DMWD: variants seen among roughly 807,000 people sequenced by gnomAD.
DMWD encodes the protein dystrophia myotonica WD repeat-containing protein.
In DMWD, 19 loss-of-function variants were observed where a neutral mutation model predicts 45.8. The ratio of observed to expected loss-of-function variants is 0.41; its 90% CI spans 0.29 to 0.61. The LOEUF (loss-of-function observed/expected upper bound fraction) is 0.61. DMWD is among the 20% of genes least tolerant of loss of function. The pLI, the probability that DMWD is intolerant of heterozygous loss-of-function variation, is 0.25. For missense variants in DMWD, 802 were observed against 965.2 expected (o/e 0.83, Z 2.24); for synonymous variants, 515 against 440.5 (o/e 1.17, Z -2.12).
At position 45,783,241 on chromosome 19, in the gene DMWD, A is replaced by C; in HGVS notation, c.*1002T>G. ...TCGGGGGGTGGAGGGTGGCGCGGGA[A>C]GACACACTCCCTGCGGCTCCGAGAG... On this transcript the variant is annotated 3_prime_UTR_variant, in exon 5 of 5. Transcript: ENST00000270223. 3.1e-5 allele frequency: 7 copies of C among 229,366 alleles called. No individual in the cohort carries two copies. The highest frequency in any genetic ancestry group is 1.7e-4 in the East Asian group (2 of 11,972). The allele number at this position is 229,366 out of a possible 1,614,324, so 14.2% of individuals were successfully genotyped here.
Position 45,783,954 on chromosome 19 carries a change from G to A in DMWD, c.*289C>T. 1 of 586,670 alleles carries A rather than the reference G, an allele frequency of 1.7e-6. No individual in the cohort carries two copies. 36.3% of individuals were successfully genotyped at this position (586,670 alleles called of 1,614,324 possible). A position where few individuals can be genotyped will look rare whatever the true frequency, so the allele number is the denominator to read the frequency against. Reference sequence around the variant, plus strand: ...AGGGGCGGGGAGTCTCTCCCCAGGAGTGACCAGTCACATGCTGGGGACAGG... The same window carrying A: ...AGGGGCGGGGAGTCTCTCCCCAGGAATGACCAGTCACATGCTGGGGACAGG... On this transcript the variant is annotated 3_prime_UTR_variant, in exon 5 of 5. Coordinates refer to ENST00000270223, the MANE Select transcript of DMWD (RefSeq NM_004943.2).
chr19:45,785,318 C>T lies in DMWD; in HGVS notation c.1902+276G>A, dbSNP rs1970255547. 3.3e-6 allele frequency: 4 copies of T among 1,205,668 alleles called. No individual in the cohort carries two copies. The South Asian group carries it at 1.2e-4, about 36-fold the overall frequency. 74.7% of individuals were successfully genotyped at this position (1,205,668 alleles called of 1,614,324 possible). A position where few individuals can be genotyped will look rare whatever the true frequency, so the allele number is the denominator to read the frequency against. ...GCAGTAAGACCTGGCCATGTGGGGC[C>T]CATCTGCTGCCCTTCAGACGGCCAG... On this transcript the variant is annotated intron_variant, in intron 3 of 4. Transcript: ENST00000270223.
At position 45,786,171 on chromosome 19, in the gene DMWD, A is replaced by G; in HGVS notation, c.1325T>C (p.Leu442Pro). Residue 442 changes from leucine (L) to proline (P), a missense_variant, in exon 3 of 5, where the codon CTG (leucine) becomes CCG (proline). Transcript: ENST00000270223. The stretch of plus-strand genomic sequence containing the variant: ...GAGCACGTCTTCAGTGAGGTCCCAC[A>G]GGCAGAACTGCGTGTCCTGGCCCGC... ...GSAGQDTQFC[L>P]WDLTEDVLYP... 6.3e-7 allele frequency: 1 copy of G among 1,596,312 alleles called. No individual in the cohort carries two copies. The highest frequency in any genetic ancestry group is 8.5e-7 in the Non-Finnish European group (1 of 1,172,016).
At chr19:45,791,251 AG>A (rs1399608643) in intron 1 of DMWD, among the ~76,000 whole-genome samples, 164 bp from the exon 2 acceptor site, 1 of 152,082 alleles carries the variant, frequency 6.6e-6, no homozygotes, top group Non-Finnish European at 1.5e-5. Context: ...ACAGACGGGA[AG>A]GGGACCCAAA....
In DMWD at chr19:45,792,319, T is replaced by C. The variant is rs201104514; in HGVS notation, c.438A>G (p.Gln146=). Residue 146 remains glutamine (Q), a synonymous_variant, in exon 1 of 5, where the codon CAA becomes CAG. Coordinates refer to ENST00000270223, the MANE Select transcript of DMWD (RefSeq NM_004943.2). ...FYPGCCRRGS[Q]RSIDLNKPID... ...CCCCACGATGCAGGCCGCTCACCCG[T>C]TGGCTCCCACGACGACAGCAGCCTG... 7.7e-5 allele frequency: 123 copies of C among 1,606,962 alleles called. No homozygotes were observed. In the East Asian group the frequency reaches 2.5e-3, roughly 32 times the overall value.
At position 45,784,725 on chromosome 19, in the gene DMWD, CAG is replaced by C. The variant is rs770135827; in HGVS notation, c.1903-12_1903-11del. Reference sequence around the variant, plus strand: ...TCTCCTCGTCTGTGAACTACGGAGACAGAGGGGTCTCTTTTAGGACTCAACCA... The same window carrying C: ...TCTCCTCGTCTGTGAACTACGGAGACAGGGGTCTCTTTTAGGACTCAACCA... On this transcript the variant is annotated splice_polypyrimidine_tract_variant and intron_variant, in intron 3 of 4. Coordinates refer to ENST00000270223, the MANE Select transcript of DMWD (RefSeq NM_004943.2). 2.5e-6 allele frequency: 4 copies of C among 1,612,948 alleles called. No homozygotes were observed. Among genetic ancestry groups the C allele is most frequent in the Admixed American group, 1.7e-5 (1 of 59,876 alleles).
intron 2 of DMWD, chr19:45,787,161 T>C (rs576673555): frequency 1.9e-4 from 98 of 513,422 alleles, no homozygotes; most frequent in African/African-American, 1.7e-3. Flanking sequence ...TGCCACAGAA[T>C]TGTCCTGTAT....
Position 45,791,025 on chromosome 19 carries a change from G to A in DMWD, c.504C>T (p.His168=), listed in dbSNP as rs913670239. Reference sequence around the variant, plus strand: ...TGGCAGCAGTGAACTGGTTGAAATCGTGGCAGGTGGGCTGGGTGCCCTTGT... The same window carrying A: ...TGGCAGCAGTGAACTGGTTGAAATCATGGCAGGTGGGCTGGGTGCCCTTGT... ...RIYKGTQPTC[H]DFNQFTAATE... is the part of the protein sequence containing the mutation. The change falls in exon 2 of 5, where the codon CAC becomes CAT. Residue 168 remains histidine (H), a synonymous_variant. Coordinates refer to ENST00000270223, the MANE Select transcript of DMWD (RefSeq NM_004943.2). The A allele has an allele frequency of 5.0e-6, 8 of 1,613,790 alleles. No individual in the cohort carries two copies. Among genetic ancestry groups the A allele is most frequent in the African/African-American group, 4.0e-5 (3 of 74,878 alleles).
At chr19:45,791,454 C>T (rs868317826) in intron 1 of DMWD, among the ~76,000 whole-genome samples, 1 of 152,192 alleles carries the variant, frequency 6.6e-6, no homozygotes. Context: ...CCCTTGGGAC[C>T]TAGTACCACA....
At position 45,783,478 on chromosome 19, in the gene DMWD, G is replaced by T. The variant is rs1457101492; in HGVS notation, c.*765C>A. 5.0e-6 allele frequency: 2 copies of T among 398,120 alleles called. No individual in the cohort carries two copies. Among genetic ancestry groups the T allele is most frequent in the Non-Finnish European group, 8.8e-6 (2 of 226,072 alleles). 24.7% of individuals were successfully genotyped at this position (398,120 alleles called of 1,614,324 possible). On this transcript the variant is annotated 3_prime_UTR_variant, in exon 5 of 5. Coordinates refer to ENST00000270223, the MANE Select transcript of DMWD (RefSeq NM_004943.2). Reference sequence around the variant, plus strand: ...AAAAACACCGAGGACTTTGATGAGGGGCCCTGGCTGCGGGCAGGATGCTCT... The same window carrying T: ...AAAAACACCGAGGACTTTGATGAGGTGCCCTGGCTGCGGGCAGGATGCTCT...
Position 45,792,717 on chromosome 19 carries a change from C to T in DMWD, c.40G>A (p.Ala14Thr). 4.1e-6 allele frequency: 5 copies of T among 1,205,408 alleles called. No individual in the cohort carries two copies. Among genetic ancestry groups the T allele is most frequent in the Non-Finnish European group, 5.2e-6 (5 of 956,058 alleles). 74.7% of individuals were successfully genotyped at this position (1,205,408 alleles called of 1,614,324 possible). Reference protein sequence around the residue: ...GGAEGGSGPGAAMGDCAEIKS... With the variant: ...GGAEGGSGPGTAMGDCAEIKS... ...ATCTCCGCGCAGTCCCCCATGGCGG[C>T]GCCGGGGCCCGAGCCGCCCTCCGCG... The change falls in exon 1 of 5, where the codon GCC becomes ACC. Residue 14 changes from alanine to threonine, a missense_variant. Around this residue, in one of 9 missense-constraint regions of DMWD, gnomAD observed 151 missense variants for 128.1 expected, o/e 1.18. Coordinates refer to ENST00000270223, the MANE Select transcript of DMWD (RefSeq NM_004943.2).
Position 45,792,786 on chromosome 19 carries a change from C to T in DMWD, c.-30G>A. 1 of 1,106,464 alleles carries T rather than the reference C, an allele frequency of 9.0e-7. No homozygotes were observed. The highest frequency in any genetic ancestry group is 1.1e-6 in the Non-Finnish European group (1 of 908,358). The allele number at this position is 1,106,464 out of a possible 1,614,324, so 68.5% of individuals were successfully genotyped here. Reference sequence around the variant, plus strand: ...GGCGCCCCCCGGGCCCCGCCACTGCCGGACTGCCGCCCGCAGCCGGGCCCC... The same window carrying T: ...GGCGCCCCCCGGGCCCCGCCACTGCTGGACTGCCGCCCGCAGCCGGGCCCC... On this transcript the variant is annotated 5_prime_UTR_variant, in exon 1 of 5. Transcript: ENST00000270223.
chr19:45,787,649 T>G lies in DMWD; in HGVS notation c.625-778A>C, dbSNP rs1173057910. On this transcript the variant is annotated intron_variant, in intron 2 of 4. Transcript: ENST00000270223. ...GTGCACACAGGAGGCAGCTTGAAGG[T>G]AATTCCTGGACAAATGAGTGACAAC... Among the ~76,000 whole-genome samples, 4 of 152,204 alleles carry G rather than the reference T, an allele frequency of 2.6e-5. No individual in the cohort carries two copies. The East Asian group carries it at 7.7e-4, about 29-fold the overall frequency.
At position 45,786,511 on chromosome 19, in the gene DMWD, G is replaced by C; in HGVS notation, c.985C>G (p.Leu329Val). The C allele has an allele frequency of 6.2e-7, 1 of 1,614,044 alleles. No homozygotes were observed. The highest frequency in any genetic ancestry group is 8.5e-7 in the Non-Finnish European group (1 of 1,179,920). Reference protein sequence around the residue: ...RGLMKSYFGGLLCVCWSPDGR... With the variant: ...RGLMKSYFGGVLCVCWSPDGR... ...TCAGGGCTCCAGCACACACACAGCA[G>C]GCCCCCAAAGTAGCTCTTCATGAGC... The change falls in exon 3 of 5, where the codon CTG (leucine) becomes GTG (valine). Residue 329 changes from leucine (L) to valine (V), a missense_variant. Coordinates refer to ENST00000270223, the MANE Select transcript of DMWD (RefSeq NM_004943.2).
At chr19:45,784,570 G>A (rs370730482) in intron 4 of DMWD, 71 bp downstream of exon 4, 1 of 1,612,032 alleles carries the variant, frequency 6.2e-7, no homozygotes, top group Non-Finnish European at 8.5e-7. Context: ...AGGGGAGGGG[G>A]AAACTGGAGC....
intron 4 of DMWD, 133 bp from the exon 5 acceptor site, chr19:45,784,423 A>AC (rs1568591057): frequency 8.0e-7 from 1 of 1,245,120 alleles, no homozygotes; most frequent in Non-Finnish European, 1.1e-6. Context: ...TCCGCCCTAG[A>AC]CCCCCCAGAG....
intron 2 of DMWD, among the ~76,000 whole-genome samples, chr19:45,787,611 A>G (rs901090654): frequency 6.6e-6 from 1 of 152,194 alleles, no homozygotes; most frequent in East Asian, 1.9e-4. Context: ...TTGGTTCACT[A>G]TTCTTTAAAG....
Position 45,784,160 on chromosome 19 carries a change from T to G in DMWD, c.*83A>C. ...CATCCATCATGGTTAGTCTTGTTAA[T>G]ACGTTGATCTGTGAGGTCAGCAGGG... On this transcript the variant is annotated 3_prime_UTR_variant, in exon 5 of 5. Transcript: ENST00000270223. 7.9e-7 allele frequency: 1 copy of G among 1,261,902 alleles called. No homozygotes were observed. The highest frequency in any genetic ancestry group is 1.1e-6 in the Non-Finnish European group (1 of 872,028). The allele number at this position is 1,261,902 out of a possible 1,614,324, so 78.2% of individuals were successfully genotyped here.
intron 2 of DMWD, among the ~76,000 whole-genome samples, chr19:45,788,877 G>A (rs868193027): frequency 4.7e-5 from 7 of 150,280 alleles, no homozygotes; most frequent in South Asian, 4.2e-4. Flanking sequence ...TGCAGTGAAC[G>A]AAGATCGTAC....
Sources: gnomAD v4.1 joint callset for allele counts (sites outside exome capture counted in the v4.1 genomes callset) on GRCh38, gnomAD v4.1.1 for gene constraint, gnomAD v4.1.1 regional missense constraint, MANE v1.5 for transcripts, NCBI Gene and HGNC (gene_info 2026-07-23, HGNC 2026-07-21) for gene names.